Variants in CSPP1 observed in about 807,000 individuals in gnomAD.
The protein encoded by CSPP1 is centrosome and spindle pole associated protein 1, also known as centrosome and spindle pole-associated protein 1.
In CSPP1, 126 loss-of-function variants were observed where a neutral mutation model predicts 164.4. The observed-to-expected ratio is 0.77, with a 90% CI of 0.66 to 0.89. The LOEUF is 0.89. CSPP1 is among the 40% of genes least tolerant of loss of function. The pLI is 0.00. For synonymous variants in CSPP1, 472 were observed against 476.7 expected (o/e 0.99, Z 0.13); for missense variants, 1,395 against 1,449.8 (o/e 0.96, Z 0.61).
At position 67,104,966 on chromosome 8, in the gene CSPP1, AT is replaced by A. The variant is rs1166551719; in HGVS notation, c.1023-913del. Among the ~76,000 whole-genome samples, 351 of 60,738 alleles carry A rather than the reference AT, an allele frequency of 5.8e-3. 1 individual carries two copies. The highest frequency in any genetic ancestry group is 0.019 in the African/African-American group (270 of 14,490). The allele number at this position is 60,738 out of a possible 152,430, so 39.8% of individuals were successfully genotyped here. A position where few individuals can be genotyped will look rare whatever the true frequency, so the allele number is the denominator to read the frequency against. On this transcript the variant is annotated intron_variant, in intron 8 of 30. Coordinates refer to ENST00000678616, the MANE Select transcript of CSPP1 (RefSeq NM_001382391.1). Reference sequence around the variant, plus strand: ...TACATGCACATATATATATATATATATTTTTTTTTTTTTTTTTTTTTTTTTT... The same window carrying A: ...TACATGCACATATATATATATATATATTTTTTTTTTTTTTTTTTTTTTTTT...
intron 11 of CSPP1, 178 bp downstream of exon 11, chr8:67,114,040 A>G (rs1432694491): frequency 6.5e-6 from 3 of 463,440 alleles, no homozygotes; most frequent in Admixed American, 7.0e-5. Flanking sequence ...TATTTCCTTG[A>G]GGTAATTTTT....
In CSPP1 at chr8:67,159,882, TTCTTTCTTTCTTTCTTTC is replaced by T. The variant is rs1338997043; in HGVS notation, c.2538+747_2538+764del. Among the ~76,000 whole-genome samples, 3 of 63,566 alleles carry T rather than the reference TTCTTTCTTTCTTTCTTTC, an allele frequency of 4.7e-5. 1 individual carries two copies. Among genetic ancestry groups the T allele is most frequent in the Non-Finnish European group, 8.7e-5 (3 of 34,478 alleles). The allele number at this position is 63,566 out of a possible 152,430, so 41.7% of individuals were successfully genotyped here. A position where few individuals can be genotyped will look rare whatever the true frequency, so the allele number is the denominator to read the frequency against. ...TTTCTTTCTTTCTTTCTTTCTTTCT[TTCTTTCTTTCTTTCTTTC>T]TTTCTTTCTTTCTTTCTTTCTTTCC... On this transcript the variant is annotated intron_variant, in intron 21 of 30. Transcript: ENST00000678616.
intron 21 of CSPP1, among the ~76,000 whole-genome samples, chr8:67,160,123 C>G: frequency 6.8e-6 from 1 of 146,144 alleles, no homozygotes; most frequent in Admixed American, 7.1e-5. Flanking sequence ...CTCAAGTTAT[C>G]CTCCTGCCTC....
Position 67,167,305 on chromosome 8 carries a change from A to C in CSPP1, c.2828+2797A>C, listed in dbSNP as rs1003967165. Among the ~76,000 whole-genome samples the C allele has an allele frequency of 4.9e-4, 72 of 147,816 alleles. 1 individual carries two copies. The highest frequency in any genetic ancestry group is 4.5e-5 in the Non-Finnish European group (3 of 66,868). On this transcript the variant is annotated intron_variant, in intron 24 of 30. Transcript: ENST00000678616. ...CACTTCCCAGAAGGGGCGGCCGGGC[A>C]GAGGCACCCCCACCTCCCGGATGGG...
intron 9 of CSPP1, among the ~76,000 whole-genome samples, chr8:67,107,084 A>G (rs920325379): frequency 2.0e-5 from 3 of 150,842 alleles, no homozygotes; most frequent in African/African-American, 7.3e-5. Context: ...GTTTCGCTCT[A>G]TCACTGAGGC....
chr8:67,166,102 G>A (rs1298578843), intron 24 of CSPP1, among the ~76,000 whole-genome samples: 3 of 152,112 alleles, frequency 2.0e-5, no homozygotes, highest in Non-Finnish European at 2.9e-5. Flanking sequence ...GTTGGCTCCC[G>A]TGTCTCTTTG....
rs138000161 is a variant in CSPP1, at chr8:67,179,610, G to T, written c.3157-253G>T. ...GGGCAGGAAGGAGTGGAGCTAGGGA[G>T]TAAATGTGTTAGCTTGTAGAATCTG... On this transcript the variant is annotated intron_variant, in intron 27 of 30. Transcript: ENST00000678616. Among the ~76,000 whole-genome samples, 278 of 152,320 alleles carry T rather than the reference G, an allele frequency of 1.8e-3. 4 individuals are homozygous for T. Among genetic ancestry groups the T allele is most frequent in the African/African-American group, 6.5e-3 (269 of 41,562 alleles).
At chr8:67,163,427 C>T (rs539898737) in intron 22 of CSPP1, among the ~76,000 whole-genome samples, 5 of 151,906 alleles carry the variant, frequency 3.3e-5, no homozygotes, top group African/African-American at 7.2e-5. Flanking sequence ...AAAGAATAAT[C>T]GGAGGAGAAT....
chr8:67,135,017 G>T (rs564267600), intron 16 of CSPP1: 4 of 152,326 alleles, frequency 2.6e-5, no homozygotes, highest in Non-Finnish European at 4.4e-5. Flanking sequence ...TACTAGCTAT[G>T]AAAGTCTTCT....
chr8:67,166,798 A>C (rs1829404663), intron 24 of CSPP1, among the ~76,000 whole-genome samples: 1 of 151,766 alleles, frequency 6.6e-6, no homozygotes, highest in African/African-American at 2.4e-5. Flanking sequence ...GTCATAGGAC[A>C]ATAGTGGAGG....
chr8:67,193,714 T>G, intron 30 of CSPP1, 112 bp downstream of exon 30: 1 of 921,670 alleles, frequency 1.1e-6, no homozygotes, highest in South Asian at 1.7e-5. Context: ...TTTGAAGACC[T>G]TTGAGTTGTA....
chr8:67,182,758 C>T (rs556764035), intron 28 of CSPP1, among the ~76,000 whole-genome samples: 9 of 152,270 alleles, frequency 5.9e-5, no homozygotes, highest in Admixed American at 1.3e-4. Context: ...TTTACATGTG[C>T]TTATTGACTA....
At chr8:67,082,070 TAG>T (rs1289145180) in intron 3 of CSPP1, among the ~76,000 whole-genome samples, 2 of 152,034 alleles carry the variant, frequency 1.3e-5, no homozygotes, top group African/African-American at 4.8e-5. Context: ...TGTTTTGAGA[TAG>T]AGTCTCGCTC....
chr8:67,094,577 A>G (rs1812335407), intron 6 of CSPP1, among the ~76,000 whole-genome samples: 1 of 151,892 alleles, frequency 6.6e-6, no homozygotes, highest in African/African-American at 2.4e-5. Flanking sequence ...CTGCCACAGA[A>G]AGGTAAAATT....
chr8:67,187,388 A>G (rs1265925495), intron 28 of CSPP1, among the ~76,000 whole-genome samples: 6 of 152,206 alleles, frequency 3.9e-5, no homozygotes, highest in South Asian at 2.1e-4. Flanking sequence ...TGAATGGAAT[A>G]TGGAGCCCAG....
intron 4 of CSPP1, among the ~76,000 whole-genome samples, chr8:67,087,132 TAA>T (rs1357145224): frequency 1.4e-5 from 2 of 142,998 alleles, no homozygotes; most frequent in Admixed American, 6.7e-5. Flanking sequence ...ATTCTGCAGT[TAA>T]GTCTGTTTTC....
At chr8:67,158,168 A>G (rs574531965) in intron 19 of CSPP1, among the ~76,000 whole-genome samples, 39 of 152,324 alleles carry the variant, frequency 2.6e-4, no homozygotes, top group Non-Finnish European at 4.7e-4. Context: ...TTTGAGATGT[A>G]GGCGTTAATA....
intron 3 of CSPP1, among the ~76,000 whole-genome samples, chr8:67,082,109 G>A (rs547073002): frequency 7.2e-5 from 11 of 152,212 alleles, no homozygotes; most frequent in South Asian, 2.1e-4. Context: ...GTGCAGTGGC[G>A]CGATCTCGGC....
intron 1 of CSPP1, among the ~76,000 whole-genome samples, chr8:67,068,943 T>A (rs570261248): frequency 6.6e-6 from 1 of 152,354 alleles, no homozygotes; most frequent in Admixed American, 6.5e-5. Flanking sequence ...AGTTACAGCA[T>A]TAGCCTCCCC....
Sources: gnomAD v4.1 joint callset for allele counts (sites outside exome capture counted in the v4.1 genomes callset) on GRCh38, gnomAD v4.1.1 for gene constraint, MANE v1.5 for transcripts, NCBI Gene and HGNC (gene_info 2026-07-23, HGNC 2026-07-21) for gene names.